Variants in TNIK observed in about 807,000 individuals in gnomAD.
The protein encoded by TNIK is TRAF2 and NCK-interacting protein kinase.
A neutral mutation model predicts 191.3 loss-of-function variants in TNIK; 49 were observed. That is an observed-to-expected ratio of 0.26 (90% CI 0.20 to 0.32). The LOEUF (loss-of-function observed/expected upper bound fraction) is 0.32. TNIK is among the 10% of genes least tolerant of loss of function. TNIK has a pLI of 1.00. For missense variants in TNIK, 1,155 were observed against 1,702.3 expected (o/e 0.68, Z 5.66); for synonymous variants, 594 against 600.9 (o/e 0.99, Z 0.17).
chr3:171,328,130 G>A (rs1756015712), intron 2 of TNIK, among the ~76,000 whole-genome samples: 1 of 152,094 alleles, frequency 6.6e-6, no homozygotes, highest in African/African-American at 2.4e-5. Context: ...GAGATGATTA[G>A]GTCACAAAGG....
chr3:171,351,186 T>G (rs962925109), intron 2 of TNIK, among the ~76,000 whole-genome samples: 4 of 151,920 alleles, frequency 2.6e-5, no homozygotes, highest in Admixed American at 6.6e-5. Context: ...CCACCATGGC[T>G]GGGCTGCCCT....
intron 3 of TNIK, among the ~76,000 whole-genome samples, chr3:171,212,099 G>A (rs1434829635): frequency 6.6e-6 from 1 of 152,164 alleles, no homozygotes; most frequent in Non-Finnish European, 1.5e-5. Context: ...AGGTGCAGCA[G>A]TAAGCTATGA....
At chr3:171,113,464 G>T (rs1726175879) in intron 18 of TNIK, among the ~76,000 whole-genome samples, 1 of 152,020 alleles carries the variant, frequency 6.6e-6, no homozygotes, top group South Asian at 2.1e-4. Flanking sequence ...AAATTAGCTG[G>T]GCGTGGTGGC....
At chr3:171,393,436 G>A (rs755562606) in intron 1 of TNIK, among the ~76,000 whole-genome samples, 3 of 152,190 alleles carry the variant, frequency 2.0e-5, no homozygotes, top group Non-Finnish European at 2.9e-5. Context: ...CCCAAGGGCA[G>A]ATCTCTAAAT....
chr3:171,228,911 C>T (rs1743280417), intron 2 of TNIK, among the ~76,000 whole-genome samples: 1 of 152,188 alleles, frequency 6.6e-6, no homozygotes, highest in African/African-American at 2.4e-5. Flanking sequence ...CTTGAGAAAA[C>T]ACAATGTCTA....
chr3:171,308,961 C>A (rs1373923690), intron 2 of TNIK, among the ~76,000 whole-genome samples: 2 of 152,110 alleles, frequency 1.3e-5, no homozygotes, highest in African/African-American at 4.8e-5. Flanking sequence ...AATGTAAATT[C>A]ATTTTGCCAC....
chr3:171,336,510 A>T (rs1312403792), intron 2 of TNIK, among the ~76,000 whole-genome samples: 1 of 152,184 alleles, frequency 6.6e-6, no homozygotes, highest in Admixed American at 6.5e-5. Context: ...ACAATTTTTT[A>T]AAAATAAGCA....
At chr3:171,208,472 A>T (rs77627378) in intron 4 of TNIK, among the ~76,000 whole-genome samples, 1,914 of 152,314 alleles carry the variant, frequency 0.013, 38 homozygotes, top group African/African-American at 0.043. Flanking sequence ...CCAAGTTACT[A>T]CGTATTTTTT....
At chr3:171,125,803 A>G (rs1267044170) in intron 17 of TNIK, 109 bp downstream of exon 17, 1 of 1,471,728 alleles carries the variant, frequency 6.8e-7, no homozygotes, top group Non-Finnish European at 9.2e-7. Flanking sequence ...GAGAAGGGGA[A>G]GTGCTTTGGC....
At chr3:171,340,762 T>C (rs1757427457) in intron 2 of TNIK, among the ~76,000 whole-genome samples, 1 of 152,218 alleles carries the variant, frequency 6.6e-6, no homozygotes, top group Non-Finnish European at 1.5e-5. Flanking sequence ...AGCAGTCAGC[T>C]TCTTCCAAAG....
chr3:171,111,181 G>C (rs1443988016), intron 18 of TNIK, among the ~76,000 whole-genome samples: 2 of 152,146 alleles, frequency 1.3e-5, no homozygotes, highest in African/African-American at 4.8e-5. Flanking sequence ...CAGCACTTTG[G>C]AAGGCTCAGG....
intron 10 of TNIK, among the ~76,000 whole-genome samples, chr3:171,161,837 G>A (rs144317867): frequency 0.015 from 2,287 of 151,844 alleles, 32 homozygotes; most frequent in Non-Finnish European, 0.024. Context: ...GGAGAATGGC[G>A]CAAACCCAGG....
intron 2 of TNIK, among the ~76,000 whole-genome samples, chr3:171,246,977 C>G (rs1337962273): frequency 6.6e-6 from 1 of 152,202 alleles, no homozygotes; most frequent in Non-Finnish European, 1.5e-5. Flanking sequence ...TTTCAAGCAA[C>G]AAGTAAAGGC....
intron 2 of TNIK, among the ~76,000 whole-genome samples, chr3:171,244,361 G>A (rs992275036): frequency 1.5e-4 from 23 of 152,126 alleles, no homozygotes; most frequent in Non-Finnish European, 3.1e-4. Flanking sequence ...CACTGCGCCC[G>A]GCCAGAAATA....
intron 1 of TNIK, among the ~76,000 whole-genome samples, chr3:171,458,157 A>T (rs1474730933): frequency 2.4e-5 from 1 of 42,360 alleles, no homozygotes; most frequent in Non-Finnish European, 5.0e-5. Flanking sequence ...CCCGCCCCCC[A>T]CCCCGACCTC....
chr3:171,389,540 C>T (rs1045287022), intron 1 of TNIK, among the ~76,000 whole-genome samples: 2 of 152,120 alleles, frequency 1.3e-5, no homozygotes, highest in African/African-American at 4.8e-5. Context: ...CTTTAGAGCA[C>T]CTGGGAGGAC....
intron 5 of TNIK, among the ~76,000 whole-genome samples, chr3:171,191,425 A>T (rs1445059646): frequency 6.6e-6 from 1 of 152,134 alleles, no homozygotes; most frequent in African/African-American, 2.4e-5. Flanking sequence ...TTTAGTACAG[A>T]CAGGGTTTCA....
At chr3:171,168,956 C>T (rs974246916) in intron 9 of TNIK, among the ~76,000 whole-genome samples, 5 of 152,134 alleles carry the variant, frequency 3.3e-5, no homozygotes, top group African/African-American at 9.7e-5. Context: ...GTTTGGAGAG[C>T]GGATATTCTT....
At chr3:171,223,594 T>A (rs1012729309) in intron 3 of TNIK, among the ~76,000 whole-genome samples, 1 of 152,174 alleles carries the variant, frequency 6.6e-6, no homozygotes, top group Non-Finnish European at 1.5e-5. Context: ...TTGGCAGCCA[T>A]GTTACATTGA....
Sources: allele counts gnomAD v4.1 joint callset (sites outside exome capture counted in the v4.1 genomes callset), GRCh38; gene constraint gnomAD v4.1.1; transcripts MANE v1.5; gene names NCBI Gene and HGNC (gene_info 2026-07-23, HGNC 2026-07-21).